The following NRG3 variants were observed in gnomAD, a reference collection of about 807,000 sequenced individuals.
The protein encoded by NRG3 is pro-neuregulin-3, membrane-bound isoform.
In NRG3, 31 loss-of-function variants were observed where a neutral mutation model predicts 66.9. That is an observed-to-expected ratio of 0.46 (90% confidence interval 0.35 to 0.63). NRG3 has a LOEUF of 0.63. Among genes scored for constraint, NRG3 ranks in the 20% least tolerant of loss-of-function variants. NRG3 has a pLI of 0.00. For missense variants in NRG3, 910 were observed against 878.9 expected (o/e 1.04, Z -0.45); for synonymous variants, 393 against 359.4 (o/e 1.09, Z -1.06).
chr10:82,019,195 A>G (rs566709948), intron 1 of NRG3, among the ~76,000 whole-genome samples: 4 of 152,258 alleles, frequency 2.6e-5, no homozygotes, highest in African/African-American at 9.6e-5. Context: ...TGAGATAATC[A>G]TGTGGTTTTT....
intron 2 of NRG3, among the ~76,000 whole-genome samples, chr10:82,672,916 A>C (rs951911717): frequency 6.6e-6 from 1 of 151,974 alleles, no homozygotes; most frequent in Non-Finnish European, 1.5e-5. Flanking sequence ...CACCCGGCTA[A>C]TTTTTTGTGT....
At chr10:82,059,399 T>A (rs923093413) in intron 1 of NRG3, among the ~76,000 whole-genome samples, 1 of 152,108 alleles carries the variant, frequency 6.6e-6, no homozygotes, top group Non-Finnish European at 1.5e-5. Flanking sequence ...GATTAGGTAA[T>A]GACTAAGATA....
chr10:82,626,283 A>G (rs2049414789), intron 2 of NRG3, among the ~76,000 whole-genome samples: 1 of 152,190 alleles, frequency 6.6e-6, no homozygotes, highest in Non-Finnish European at 1.5e-5. Context: ...GGTTATGAGA[A>G]CAATGATGGC....
chr10:82,440,931 T>C (rs930618558), intron 2 of NRG3, among the ~76,000 whole-genome samples: 2 of 152,218 alleles, frequency 1.3e-5, no homozygotes, highest in Admixed American at 6.5e-5. Flanking sequence ...TAGTAAATTG[T>C]TTGCTGACTC....
intron 1 of NRG3, among the ~76,000 whole-genome samples, chr10:81,966,307 G>GTA (rs2059728651): frequency 6.7e-6 from 1 of 149,898 alleles, no homozygotes; most frequent in Non-Finnish European, 1.5e-5. Flanking sequence ...TGTAATATGT[G>GTA]TATATATATA....
chr10:82,831,927 G>T (rs755864553), intron 3 of NRG3, among the ~76,000 whole-genome samples: 3 of 152,036 alleles, frequency 2.0e-5, no homozygotes, highest in Non-Finnish European at 4.4e-5. Context: ...TACCTCCCTG[G>T]GATAAGATTA....
intron 2 of NRG3, among the ~76,000 whole-genome samples, chr10:82,445,538 T>A (rs541521979): frequency 1.3e-5 from 2 of 152,312 alleles, no homozygotes; most frequent in East Asian, 3.9e-4. Context: ...ATTAAATGCC[T>A]TTCTCCCACT....
At chr10:82,838,589 A>T (rs1031445195) in intron 3 of NRG3, among the ~76,000 whole-genome samples, 2 of 152,162 alleles carry the variant, frequency 1.3e-5, no homozygotes, top group African/African-American at 2.4e-5. Context: ...ACTTCTTGCT[A>T]CATAGCTGAT....
At chr10:82,544,071 A>G (rs1411642217) in intron 2 of NRG3, among the ~76,000 whole-genome samples, 1 of 152,170 alleles carries the variant, frequency 6.6e-6, no homozygotes, top group Admixed American at 6.5e-5. Context: ...TCAGAGACCC[A>G]GTTGCTTTAT....
At chr10:81,892,685 T>A (rs1843138575) in intron 1 of NRG3, among the ~76,000 whole-genome samples, 1 of 152,102 alleles carries the variant, frequency 6.6e-6, no homozygotes, top group East Asian at 1.9e-4. Context: ...AGTGAGGGGT[T>A]ACAGGAGAGG....
intron 1 of NRG3, among the ~76,000 whole-genome samples, chr10:81,882,339 T>G (rs1842252055): frequency 6.6e-6 from 1 of 152,082 alleles, no homozygotes; most frequent in African/African-American, 2.4e-5. Flanking sequence ...GTAACAGTAT[T>G]AGAAATGAGA....
chr10:82,983,874 G>A (rs1853175707), intron 8 of NRG3, among the ~76,000 whole-genome samples: 1 of 152,170 alleles, frequency 6.6e-6, no homozygotes, highest in Non-Finnish European at 1.5e-5. Flanking sequence ...GAGAGGATGA[G>A]CCTACAAAGG....
chr10:82,077,221 G>T (rs2065139152), intron 1 of NRG3, among the ~76,000 whole-genome samples: 1 of 152,080 alleles, frequency 6.6e-6, no homozygotes, highest in African/African-American at 2.4e-5. Context: ...AGAAAATAGT[G>T]CTCATTGCAC....
In NRG3 at chr10:82,529,995, T is replaced by C. The variant is rs78113582; in HGVS notation, c.953+171127T>C. 6.2e-3 allele frequency among the ~76,000 whole-genome samples: 951 copies of C among 152,200 alleles called. 7 individuals are homozygous for C. The highest frequency in any genetic ancestry group is 0.021 in the African/African-American group (879 of 41,528). ...GTTTTATATCGATGTTATCAGATGGTTTAAAGAGAAAGCCAGTTAAGGCCA... is the reference window on the plus strand; with the variant it reads ...GTTTTATATCGATGTTATCAGATGGCTTAAAGAGAAAGCCAGTTAAGGCCA... On this transcript the variant is annotated intron_variant, in intron 2 of 8. Coordinates refer to ENST00000372141, the MANE Select transcript of NRG3 (RefSeq NM_001010848.4).
At chr10:82,586,240 TAAA>T (rs56840714) in intron 2 of NRG3, among the ~76,000 whole-genome samples, 1,596 of 144,178 alleles carry the variant, frequency 0.011, 34 homozygotes, top group African/African-American at 0.036. Flanking sequence ...TTGAAATTAT[TAAA>T]AAAAAAAAAA....
At chr10:82,563,112 A>G (rs2045161123) in intron 2 of NRG3, among the ~76,000 whole-genome samples, 1 of 152,184 alleles carries the variant, frequency 6.6e-6, no homozygotes, top group East Asian at 1.9e-4. Flanking sequence ...TGGCATCCAG[A>G]TCCATAGTCA....
At chr10:82,898,633 G>A (rs761815305) in intron 4 of NRG3, among the ~76,000 whole-genome samples, 1 of 152,136 alleles carries the variant, frequency 6.6e-6, no homozygotes, top group Non-Finnish European at 1.5e-5. Context: ...AGCAGGTTCT[G>A]GGCCTGGGCC....
Position 82,514,426 on chromosome 10 carries a change from C to A in NRG3, c.953+155558C>A, listed in dbSNP as rs150985079. Among the ~76,000 whole-genome samples the A allele has an allele frequency of 2.5e-3, 385 of 152,188 alleles. 8 individuals are homozygous for A. The East Asian group carries it at 0.049, about 19-fold the overall frequency. ...TGTGGCTAGCCAGTTCTCCTAGCAC[C>A]AATTATAAATAGGGACTATTTTCCC... On this transcript the variant is annotated intron_variant, in intron 2 of 8. Transcript: ENST00000372141.
chr10:81,996,297 T>C (rs1207795038), intron 1 of NRG3, among the ~76,000 whole-genome samples: 2 of 152,178 alleles, frequency 1.3e-5, no homozygotes, highest in African/African-American at 4.8e-5. Context: ...GTCTATAGTG[T>C]ATCCCTTAGA....
Sources: gnomAD v4.1 joint callset for allele counts (sites outside exome capture counted in the v4.1 genomes callset) on GRCh38, gnomAD v4.1.1 for gene constraint, MANE v1.5 for transcripts, NCBI Gene and HGNC (gene_info 2026-07-23, HGNC 2026-07-21) for gene names.